Variants in THSD4 observed in about 807,000 individuals in gnomAD.
THSD4 encodes the protein thrombospondin type-1 domain-containing protein 4.
In THSD4, 69 loss-of-function variants were observed where a neutral mutation model predicts 119.0. The observed-to-expected ratio is 0.58, with a 90% CI of 0.48 to 0.71. The LOEUF is 0.71. Ranked by LOEUF, THSD4 falls within the 30% of genes least tolerant of loss-of-function variation. The probability of loss-of-function intolerance (pLI) is 0.00; values close to 1 mark genes in which losing one functional copy is unlikely to be tolerated. For missense variants in THSD4, 1,393 were observed against 1,391.1 expected, an observed-to-expected ratio of 1.00 and a Z score of -0.02; for synonymous variants, 524 against 540.4, an observed-to-expected ratio of 0.97 and a Z score of 0.42.
intron 8 of THSD4, among the ~76,000 whole-genome samples, chr15:71,725,995 G>C (rs2052828747): frequency 6.6e-6 from 1 of 152,226 alleles, no homozygotes; most frequent in East Asian, 1.9e-4. Context: ...GTTCAGGCTG[G>C]TCTGAAACCC....
chr15:71,433,343 T>G (rs534689410), intron 7 of THSD4, among the ~76,000 whole-genome samples: 17 of 151,476 alleles, frequency 1.1e-4, no homozygotes, highest in Non-Finnish European at 2.2e-4. Context: ...CTGACACATT[T>G]GTCTATAAAT....
At chr15:71,705,801 T>C (rs533248831) in intron 8 of THSD4, among the ~76,000 whole-genome samples, 1 of 152,268 alleles carries the variant, frequency 6.6e-6, no homozygotes, top group African/African-American at 2.4e-5. Flanking sequence ...AACTCTTCCC[T>C]CCAAGAGTTT....
intron 6 of THSD4, among the ~76,000 whole-genome samples, chr15:71,279,505 A>G (rs2044627638): frequency 6.6e-6 from 1 of 152,252 alleles, no homozygotes; most frequent in South Asian, 2.1e-4. Context: ...GCGAAGGAGT[A>G]GAACTGGATC....
chr15:71,447,109 ATTTTTTTTGTTTTTTT>A (rs965023745), intron 7 of THSD4, among the ~76,000 whole-genome samples: 1 of 69,448 alleles, frequency 1.4e-5, no homozygotes, highest in East Asian at 4.8e-4. Flanking sequence ...TCTTCCCTCC[ATTTTTTTTGTTTTTTT>A]TTTTTTTTTT....
At chr15:71,269,310 A>T (rs2044502102) in intron 6 of THSD4, among the ~76,000 whole-genome samples, 2 of 152,192 alleles carry the variant, frequency 1.3e-5, no homozygotes, top group Admixed American at 1.3e-4. Context: ...CAAACCAATA[A>T]ACGTACTCCA....
chr15:71,636,316 G>C (rs948760856), intron 7 of THSD4, among the ~76,000 whole-genome samples: 4 of 152,026 alleles, frequency 2.6e-5, no homozygotes, highest in African/African-American at 7.2e-5. Flanking sequence ...CCAGCAACTC[G>C]GGAGGCTGAG....
intron 7 of THSD4, among the ~76,000 whole-genome samples, chr15:71,545,424 C>T (rs757876516): frequency 6.6e-6 from 1 of 152,214 alleles, no homozygotes; most frequent in Non-Finnish European, 1.5e-5. Context: ...TGGAACACAG[C>T]TACACCCATT....
At chr15:71,409,155 TC>T (rs5813630) in intron 6 of THSD4, among the ~76,000 whole-genome samples, 34,373 of 144,982 alleles carry the variant, frequency 0.24, 4,496 homozygotes, top group East Asian at 0.56. Context: ...CTTTTTTTTT[TC>T]CCCCCCCCTC....
intron 7 of THSD4, among the ~76,000 whole-genome samples, chr15:71,507,834 T>C (rs966626932): frequency 5.3e-5 from 8 of 152,314 alleles, no homozygotes; most frequent in African/African-American, 9.6e-5. Context: ...TGCAGGACTT[T>C]AGAGACAAAC....
At chr15:71,414,528 A>G (rs190996106) in intron 7 of THSD4, among the ~76,000 whole-genome samples, 5 of 152,324 alleles carry the variant, frequency 3.3e-5, no homozygotes, top group African/African-American at 1.2e-4. Context: ...CAAGGTTTTA[A>G]GGGACATTGA....
At chr15:71,643,972 T>C (rs539644081) in intron 7 of THSD4, among the ~76,000 whole-genome samples, 6 of 152,340 alleles carry the variant, frequency 3.9e-5, no homozygotes, top group African/African-American at 9.6e-5. Context: ...GTTGAGTATA[T>C]ATGATGTTTA....
At chr15:71,768,297 G>A (rs559947733) in intron 16 of THSD4, among the ~76,000 whole-genome samples, 9 of 100,432 alleles carry the variant, frequency 9.0e-5, no homozygotes, top group African/African-American at 2.0e-4. Flanking sequence ...CCCTGCACCT[G>A]TTAAGGCCTC....
intron 6 of THSD4, among the ~76,000 whole-genome samples, chr15:71,364,638 T>G (rs958343332): frequency 2.0e-5 from 3 of 152,172 alleles, no homozygotes; most frequent in African/African-American, 7.2e-5. Context: ...AATGGGTGAG[T>G]AGCTGTTTTG....
At chr15:71,193,770 T>A (rs184751886) in intron 3 of THSD4, among the ~76,000 whole-genome samples, 3 of 152,094 alleles carry the variant, frequency 2.0e-5, no homozygotes, top group Non-Finnish European at 4.4e-5. Flanking sequence ...TGCAGTGGCG[T>A]GATCTCGGCT....
chr15:71,664,021 C>T (rs538651112), intron 8 of THSD4, among the ~76,000 whole-genome samples: 5 of 151,672 alleles, frequency 3.3e-5, no homozygotes, highest in South Asian at 4.2e-4. Context: ...CTCACTCTGT[C>T]GCCCAGGCTG....
intron 6 of THSD4, among the ~76,000 whole-genome samples, chr15:71,372,663 G>A (rs531629647): frequency 6.6e-6 from 1 of 152,354 alleles, no homozygotes; most frequent in Non-Finnish European, 1.5e-5. Context: ...GGGGTACCTG[G>A]CCGTGTAAGG....
intron 7 of THSD4, among the ~76,000 whole-genome samples, chr15:71,480,040 C>T (rs916940218): frequency 6.6e-6 from 1 of 152,022 alleles, no homozygotes; most frequent in African/African-American, 2.4e-5. Flanking sequence ...CCTTTCCTTC[C>T]TTTCTTTCTT....
At chr15:71,405,444 C>T (rs2046592737) in intron 6 of THSD4, among the ~76,000 whole-genome samples, 1 of 152,158 alleles carries the variant, frequency 6.6e-6, no homozygotes, top group South Asian at 2.1e-4. Flanking sequence ...TTGTTGCAAA[C>T]AGTATTTTTT....
At chr15:71,536,957 G>A (rs1296096656) in intron 7 of THSD4, among the ~76,000 whole-genome samples, 5 of 152,266 alleles carry the variant, frequency 3.3e-5, no homozygotes, top group Middle Eastern at 6.8e-3. Context: ...AGTATCAGCA[G>A]TCAATGGCAT....
Sources: gnomAD v4.1 joint callset for allele counts (sites outside exome capture counted in the v4.1 genomes callset) on GRCh38, gnomAD v4.1.1 for gene constraint, MANE v1.5 for transcripts, NCBI Gene and HGNC (gene_info 2026-07-23, HGNC 2026-07-21) for gene names.